The following HCN1 variants were observed in gnomAD, a reference collection of about 807,000 sequenced individuals.
HCN1 encodes hyperpolarization activated cyclic nucleotide gated potassium channel 1.
Under a neutral mutation model 78.9 loss-of-function variants are expected in HCN1, and 13 were observed. The observed-to-expected ratio is 0.16, with a 90% CI of 0.11 to 0.26. The LOEUF (loss-of-function observed/expected upper bound fraction) is 0.26, where lower values mean the gene tolerates loss of function less well. HCN1 is among the 10% of genes least tolerant of loss of function. The probability of loss-of-function intolerance (pLI) is 1.00; values close to 1 mark genes in which losing one functional copy is unlikely to be tolerated. For missense variants in HCN1, 810 were observed against 1,154.3 expected, an observed-to-expected ratio of 0.70 and a Z score of 4.32; for synonymous variants, 552 against 455.5, an observed-to-expected ratio of 1.21 and a Z score of -2.70.
chr5:45,364,266 C>T (rs1747187222), intron 4 of HCN1, among the ~76,000 whole-genome samples: 1 of 152,100 alleles, frequency 6.6e-6, no homozygotes. Context: ...CACATGACTT[C>T]AGTTACTATC....
intron 1 of HCN1, among the ~76,000 whole-genome samples, chr5:45,693,305 CAT>C (rs1739949258): frequency 6.6e-6 from 1 of 151,550 alleles, no homozygotes; most frequent in Non-Finnish European, 1.5e-5. Flanking sequence ...TAAACAAGTA[CAT>C]GATTATTTTT....
At chr5:45,485,153 T>C (rs1442481877) in intron 2 of HCN1, among the ~76,000 whole-genome samples, 1 of 152,222 alleles carries the variant, frequency 6.6e-6, no homozygotes, top group South Asian at 2.1e-4. Context: ...AAAACTGTTC[T>C]AGGAGAATAT....
intron 5 of HCN1, among the ~76,000 whole-genome samples, chr5:45,321,918 C>T (rs1220366660): frequency 1.3e-5 from 2 of 151,834 alleles, no homozygotes; most frequent in Non-Finnish European, 2.9e-5. Context: ...ATAACTTTAT[C>T]TTCAATTATA....
chr5:45,549,706 AG>A (rs1743319213), intron 2 of HCN1, among the ~76,000 whole-genome samples: 1 of 152,170 alleles, frequency 6.6e-6, no homozygotes, highest in Admixed American at 6.5e-5. Flanking sequence ...CAGAGTGAAC[AG>A]GCAACCTACA....
chr5:45,321,370 G>A (rs1334323582), intron 5 of HCN1, among the ~76,000 whole-genome samples: 1 of 151,796 alleles, frequency 6.6e-6, no homozygotes, highest in Non-Finnish European at 1.5e-5. Context: ...GAAGAAGAAA[G>A]TGGTGCTTAG....
intron 6 of HCN1, among the ~76,000 whole-genome samples, chr5:45,272,621 T>C (rs999055103): frequency 1.7e-4 from 26 of 152,082 alleles, no homozygotes; most frequent in African/African-American, 6.3e-4. Context: ...TAATATTGGT[T>C]CACCTGTTAG....
intron 2 of HCN1, among the ~76,000 whole-genome samples, chr5:45,596,392 C>T (rs1744495392): frequency 6.6e-6 from 1 of 152,140 alleles, no homozygotes; most frequent in African/African-American, 2.4e-5. Flanking sequence ...ACAGTAAATA[C>T]ACATAGTGAC....
In HCN1 at chr5:45,355,750, GATTA is replaced by G. The variant is rs1233967973; in HGVS notation, c.1231-2508_1231-2505del. On this transcript the variant is annotated intron_variant, in intron 4 of 7. Transcript: ENST00000303230. ...TTAAAATCAGCTGAGCCAGGAGACT[GATTA>G]ATTAAGGGTACTGTTAATACCTGCC... Among the ~76,000 whole-genome samples the G allele has an allele frequency of 3.9e-5, 6 of 152,022 alleles. No homozygotes were observed. The East Asian group carries it at 1.2e-3, about 29-fold the overall frequency.
chr5:45,514,839 A>G (rs1280009414), intron 2 of HCN1, among the ~76,000 whole-genome samples: 1 of 152,044 alleles, frequency 6.6e-6, no homozygotes, highest in African/African-American at 2.4e-5. Context: ...TTACTTGAAT[A>G]TTTCTGAACT....
intron 3 of HCN1, among the ~76,000 whole-genome samples, chr5:45,417,599 G>A (rs1459857557): frequency 6.6e-6 from 1 of 151,574 alleles, no homozygotes; most frequent in African/African-American, 2.4e-5. Context: ...ATAAAGCTGA[G>A]AATTTTTTAG....
At chr5:45,530,288 A>C (rs1389822864) in intron 2 of HCN1, among the ~76,000 whole-genome samples, 6 of 152,088 alleles carry the variant, frequency 3.9e-5, no homozygotes, top group Admixed American at 1.3e-4. Context: ...CTAAAACAAA[A>C]ATAAACAGAA....
At chr5:45,660,017 T>A (rs1745892540) in intron 1 of HCN1, among the ~76,000 whole-genome samples, 4 of 130,514 alleles carry the variant, frequency 3.1e-5, no homozygotes, top group African/African-American at 1.3e-4. Context: ...TTCACCAAAG[T>A]TGAAATGAAG....
At chr5:45,351,143 A>T (rs1181598375) in intron 5 of HCN1, among the ~76,000 whole-genome samples, 6 of 152,142 alleles carry the variant, frequency 3.9e-5, no homozygotes, top group Non-Finnish European at 8.8e-5. Context: ...AGTCTACAGT[A>T]ACCAAAACAG....
chr5:45,374,364 G>T (rs1345174587), intron 4 of HCN1, among the ~76,000 whole-genome samples: 2 of 140,086 alleles, frequency 1.4e-5, no homozygotes, highest in Non-Finnish European at 3.0e-5. Context: ...ATATCCCTCA[G>T]AGAGATATAT....
At chr5:45,597,717 G>A (rs1214866279) in intron 2 of HCN1, among the ~76,000 whole-genome samples, 10 of 152,048 alleles carry the variant, frequency 6.6e-5, no homozygotes, top group Non-Finnish European at 1.2e-4. Flanking sequence ...CAACTTCAGC[G>A]AAGTCTCAGG....
At chr5:45,611,827 AATT>A (rs1458642058) in intron 2 of HCN1, among the ~76,000 whole-genome samples, 2 of 152,152 alleles carry the variant, frequency 1.3e-5, no homozygotes, top group Admixed American at 1.3e-4. Flanking sequence ...ATTTTAAGAA[AATT>A]ATCATGGAAA....
At chr5:45,605,923 C>T (rs1010014942) in intron 2 of HCN1, among the ~76,000 whole-genome samples, 2 of 151,990 alleles carry the variant, frequency 1.3e-5, no homozygotes, top group Non-Finnish European at 2.9e-5. Context: ...ACATTTCTGA[C>T]TTGTGTGTGA....
chr5:45,462,443 T>C (rs1362032861), intron 2 of HCN1, among the ~76,000 whole-genome samples: 1 of 152,068 alleles, frequency 6.6e-6, no homozygotes, highest in Non-Finnish European at 1.5e-5. Context: ...GAAAACCATA[T>C]GCCAAAGGAG....
rs1744612799 is a variant in HCN1 at position 45,256,298 on chromosome 5, G to A, written c.*5623C>T. The A allele has an allele frequency of 6.6e-6, 1 of 151,520 alleles. No homozygotes were observed. Among genetic ancestry groups the A allele is most frequent in the Non-Finnish European group, 1.5e-5 (1 of 67,968 alleles). 9.4% of individuals were successfully genotyped at this position (151,520 alleles called of 1,614,324 possible). A position where few individuals can be genotyped will look rare whatever the true frequency, so the allele number is the denominator to read the frequency against. ...TGATGCAGGAGAATTGCTTAAACCT[G>A]GGAGGCTGATGTTGCAGTGGGCCAA... On this transcript the variant is annotated 3_prime_UTR_variant, in exon 8 of 8. Transcript: ENST00000303230.
Sources: allele counts gnomAD v4.1 joint callset (sites outside exome capture counted in the v4.1 genomes callset), GRCh38; gene constraint gnomAD v4.1.1; transcripts MANE v1.5; gene names NCBI Gene and HGNC (gene_info 2026-07-23, HGNC 2026-07-21).